The following ZMYM4 variants were observed in gnomAD, a reference collection of about 807,000 sequenced individuals.
ZMYM4 encodes zinc finger MYM-type containing 4.
Under a neutral mutation model 183.2 loss-of-function variants are expected in ZMYM4, and 31 were observed. The ratio of observed to expected loss-of-function variants is 0.17; its 90% CI spans 0.13 to 0.23. The LOEUF (loss-of-function observed/expected upper bound fraction) is 0.23, where lower values mean the gene tolerates loss of function less well. ZMYM4 is among the 10% of genes least tolerant of loss of function. ZMYM4 has a pLI of 1.00. For synonymous variants in ZMYM4, 592 were observed against 631.2 expected, an observed-to-expected ratio of 0.94 and a Z score of 0.93; for missense variants, 1,273 against 1,840.3, an observed-to-expected ratio of 0.69 and a Z score of 5.64.
chr1:35,299,040 T>C (rs552378604), intron 1 of ZMYM4, among the ~76,000 whole-genome samples: 2 of 152,026 alleles, frequency 1.3e-5, no homozygotes, highest in Non-Finnish European at 2.9e-5. Context: ...AGTTTTTTTT[T>C]TTTTTTTTTA....
intron 1 of ZMYM4, among the ~76,000 whole-genome samples, chr1:35,283,676 C>A (rs1459145945): frequency 1.3e-5 from 2 of 151,890 alleles, no homozygotes; most frequent in Non-Finnish European, 2.9e-5. Flanking sequence ...TTGAATTTTT[C>A]CAGTGACTAA....
intron 7 of ZMYM4, among the ~76,000 whole-genome samples, chr1:35,371,858 T>C (rs1644221814): frequency 6.6e-6 from 1 of 152,260 alleles, no homozygotes; most frequent in African/African-American, 2.4e-5. Context: ...GGGTAAATTT[T>C]GGTTATATTT....
In ZMYM4 at chr1:35,361,668, G is replaced by A. The variant is rs771524811; in HGVS notation, c.719G>A (p.Gly240Glu). ...ANKESIGSEL[G>E]NSFASNIRIK... ...AAAGAATCCATTGGTTCGGAACTGG[G>A]GAATTCCTTTGCATCAAATATTAGA... Residue 240 changes from glycine to glutamate, a missense_variant, in exon 5 of 30, where the codon GGG (glycine) becomes GAG (glutamate). Gly to Glu is a moderately conservative substitution (Grantham distance 98). Transcript: ENST00000314607. 3.7e-6 allele frequency: 6 copies of A among 1,613,508 alleles called. No individual in the cohort carries two copies. Among genetic ancestry groups the A allele is most frequent in the Non-Finnish European group, 5.1e-6 (6 of 1,179,770 alleles).
At chr1:35,285,326 T>G (rs1640424918) in intron 1 of ZMYM4, among the ~76,000 whole-genome samples, 1 of 152,208 alleles carries the variant, frequency 6.6e-6, no homozygotes, top group South Asian at 2.1e-4. Flanking sequence ...TCTTTCCATT[T>G]ATTTTGGTCT....
intron 1 of ZMYM4, among the ~76,000 whole-genome samples, chr1:35,298,419 G>C (rs1641121311): frequency 6.6e-6 from 1 of 152,068 alleles, no homozygotes; most frequent in Non-Finnish European, 1.5e-5. Context: ...TCAAAAAAAA[G>C]TCACTAGGAA....
intron 2 of ZMYM4, among the ~76,000 whole-genome samples, chr1:35,357,309 C>T (rs1425078141): frequency 6.6e-6 from 1 of 152,138 alleles, no homozygotes; most frequent in Non-Finnish European, 1.5e-5. Flanking sequence ...GTTGAAGAAC[C>T]AGCCACATGA....
At chr1:35,269,242 G>A (rs1639468995) in intron 1 of ZMYM4, 157 bp downstream of exon 1, 1 of 402,258 alleles carries the variant, frequency 2.5e-6, no homozygotes, top group Non-Finnish European at 3.4e-6. Flanking sequence ...GCGCGCTGGC[G>A]AGCGGTCCCT....
At chr1:35,291,977 C>T (rs925085816) in intron 1 of ZMYM4, among the ~76,000 whole-genome samples, 3 of 151,984 alleles carry the variant, frequency 2.0e-5, no homozygotes, top group South Asian at 4.1e-4. Context: ...ACCACATTCC[C>T]GCTTTGATAC....
intron 7 of ZMYM4, among the ~76,000 whole-genome samples, chr1:35,376,078 A>G (rs1644328247): frequency 2.1e-5 from 3 of 142,310 alleles, no homozygotes; most frequent in South Asian, 4.4e-4. Context: ...ACTATCTTTG[A>G]AAAAAAAAAA....
intron 7 of ZMYM4, 74 bp from the exon 8 acceptor site, chr1:35,381,185 A>G: frequency 2.4e-6 from 3 of 1,244,122 alleles, no homozygotes; most frequent in Non-Finnish European, 3.3e-6. Flanking sequence ...TGTTTTATTT[A>G]GTTATTTTAG....
intron 2 of ZMYM4, chr1:35,350,720 G>T: frequency 2.4e-6 from 1 of 415,282 alleles, no homozygotes. Context: ...CTCTTCTGCA[G>T]GATGGGGTTT....
Position 35,303,105 on chromosome 1 carries a change from A to C in ZMYM4, c.40-22255A>C, listed in dbSNP as rs190840790. 8.6e-5 allele frequency among the ~76,000 whole-genome samples: 13 copies of C among 151,768 alleles called. No individual in the cohort carries two copies. In the East Asian group the frequency reaches 1.6e-3, roughly 18 times the overall value. ...ACCTGGGAAACCTGGCAAAAAAAAAAAAACAAAAAAACCTTGTCTTTGCAA... is the reference window on the plus strand; with the variant it reads ...ACCTGGGAAACCTGGCAAAAAAAAACAAACAAAAAAACCTTGTCTTTGCAA... On this transcript the variant is annotated intron_variant, in intron 1 of 29. Coordinates refer to ENST00000314607, the MANE Select transcript of ZMYM4 (RefSeq NM_005095.3).
At chr1:35,284,575 T>A (rs1340038016) in intron 1 of ZMYM4, among the ~76,000 whole-genome samples, 1 of 152,206 alleles carries the variant, frequency 6.6e-6, no homozygotes, top group Admixed American at 6.5e-5. Context: ...CTGGAAACCT[T>A]GTTGAAAGTC....
chr1:35,365,096 C>G (rs1644037613), intron 5 of ZMYM4, among the ~76,000 whole-genome samples: 1 of 152,046 alleles, frequency 6.6e-6, no homozygotes, highest in African/African-American at 2.4e-5. Flanking sequence ...TACTGTGTTG[C>G]TTAATTCGCC....
chr1:35,279,395 G>GATAACCCCATCTCCATTT (rs1640032093), intron 1 of ZMYM4, among the ~76,000 whole-genome samples: 1 of 152,142 alleles, frequency 6.6e-6, no homozygotes, highest in South Asian at 2.1e-4. Flanking sequence ...GTTCCTTACT[G>GATAACCCCATCTCCATTT]ATAACCCCAT....
intron 6 of ZMYM4, 30 bp from the exon 7 acceptor site, chr1:35,370,338 ATTTT>A (rs35122134): frequency 1.2e-3 from 1,319 of 1,123,566 alleles, no homozygotes; most frequent in Middle Eastern, 2.2e-3. Flanking sequence ...TTTTCTTTCA[ATTTT>A]TTTTTTTTTT....
In ZMYM4 at chr1:35,286,168, CTG is replaced by C. The variant is rs965167944; in HGVS notation, c.39+17086_39+17087del. On this transcript the variant is annotated intron_variant, in intron 1 of 29. Transcript: ENST00000314607. Reference sequence around the variant, plus strand: ...CCTTAAAGTTATGCCAAAAACAAAACTGTGCAAGTTAGTAAGAAATTCAGCAA... The same window carrying C: ...CCTTAAAGTTATGCCAAAAACAAAACTGCAAGTTAGTAAGAAATTCAGCAA... Among the ~76,000 whole-genome samples, 11 of 152,080 alleles carry C rather than the reference CTG, an allele frequency of 7.2e-5. No individual in the cohort carries two copies. The East Asian group carries it at 1.7e-3, about 24-fold the overall frequency.
rs1346174426 is a variant in ZMYM4, at chr1:35,273,055, T to A, written c.39+3970T>A. 2.0e-5 allele frequency among the ~76,000 whole-genome samples: 3 copies of A among 152,136 alleles called. No individual in the cohort carries two copies. The East Asian group carries it at 5.8e-4, about 29-fold the overall frequency. On this transcript the variant is annotated intron_variant, in intron 1 of 29. Coordinates refer to ENST00000314607, the MANE Select transcript of ZMYM4 (RefSeq NM_005095.3). ...GACCATTGGGTTAACAACCTTAAAT[T>A]CTAGGTAGGCCTGCCTGATGTCTTG...
At chr1:35,387,882 C>T (rs190817454) in intron 13 of ZMYM4, among the ~76,000 whole-genome samples, 23 of 152,230 alleles carry the variant, frequency 1.5e-4, no homozygotes, top group African/African-American at 2.9e-4. Flanking sequence ...TTAGGTTGAT[C>T]GGGACCTCAA....
Sources: gnomAD v4.1 joint callset for allele counts (sites outside exome capture counted in the v4.1 genomes callset) on GRCh38, gnomAD v4.1.1 for gene constraint, MANE v1.5 for transcripts, NCBI Gene and HGNC (gene_info 2026-07-23, HGNC 2026-07-21) for gene names.